The following OSBPL2 variants were observed in gnomAD, a reference collection of about 807,000 sequenced individuals.
The protein encoded by OSBPL2 is oxysterol-binding protein-related protein 2.
In OSBPL2, 18 loss-of-function variants were observed where a neutral mutation model predicts 58.4. The observed-to-expected ratio is 0.31, with a 90% CI of 0.21 to 0.46. OSBPL2 has a LOEUF of 0.46. Ranked by LOEUF, OSBPL2 falls within the 20% of genes least tolerant of loss-of-function variation. OSBPL2 has a pLI of 1.00. For missense variants in OSBPL2, 461 were observed against 616.5 expected, an observed-to-expected ratio of 0.75 and a Z score of 2.67; for synonymous variants, 221 against 234.1, an observed-to-expected ratio of 0.94 and a Z score of 0.51.
At chr20:62,293,458 T>C (rs1045108756) in intron 13 of OSBPL2, among the ~76,000 whole-genome samples, 2 of 152,234 alleles carry the variant, frequency 1.3e-5, no homozygotes, top group Non-Finnish European at 2.9e-5. Flanking sequence ...GTGTAACTGC[T>C]TTTGCCTTGA....
intron 12 of OSBPL2, among the ~76,000 whole-genome samples, chr20:62,290,013 G>A (rs185612815): frequency 1.5e-4 from 23 of 152,182 alleles, no homozygotes; most frequent in Admixed American, 5.2e-4. Flanking sequence ...AAAACTGCAC[G>A]TGTTCCACTG....
At chr20:62,248,541 A>G (rs1980306062) in intron 1 of OSBPL2, among the ~76,000 whole-genome samples, 2 of 152,200 alleles carry the variant, frequency 1.3e-5, no homozygotes, top group African/African-American at 2.4e-5. Context: ...TGTGTCCAGC[A>G]TGTCCGGGGT....
In OSBPL2 at chr20:62,275,682, A is replaced by G. The variant is rs1030756268; in HGVS notation, c.491+2276A>G. On this transcript the variant is annotated intron_variant, in intron 6 of 13. Transcript: ENST00000313733. ...AGGCTGCTCTTGAACTCCTGAGCTC[A>G]AGTGATCTGCCTCCCTCAGCCTCCC... Among the ~76,000 whole-genome samples the G allele has an allele frequency of 2.6e-5, 4 of 152,070 alleles. No homozygotes were observed. In the South Asian group the frequency reaches 8.3e-4, roughly 31 times the overall value.
chr20:62,274,468 A>T (rs921544594), intron 6 of OSBPL2, among the ~76,000 whole-genome samples: 3 of 152,152 alleles, frequency 2.0e-5, no homozygotes, highest in Non-Finnish European at 2.9e-5. Context: ...GCAGGTGCCC[A>T]TGGGCAGATG....
At chr20:62,247,716 G>A (rs1481314961) in intron 1 of OSBPL2, among the ~76,000 whole-genome samples, 1 of 151,200 alleles carries the variant, frequency 6.6e-6, no homozygotes, top group African/African-American at 2.4e-5. Flanking sequence ...GCCCAGGCTG[G>A]AGTGCAGTGG....
intron 6 of OSBPL2, among the ~76,000 whole-genome samples, chr20:62,274,108 A>T (rs1681273263): frequency 6.6e-6 from 1 of 152,202 alleles, no homozygotes; most frequent in African/African-American, 2.4e-5. Flanking sequence ...CCAGAGGTCC[A>T]GCCGGGCCCC....
At chr20:62,261,026 TAGA>T (rs1981264746) in intron 3 of OSBPL2, among the ~76,000 whole-genome samples, 1 of 151,546 alleles carries the variant, frequency 6.6e-6, no homozygotes, top group Admixed American at 6.6e-5. Flanking sequence ...TCTTTGTTGA[TAGA>T]AGCACGAGCC....
In OSBPL2 at chr20:62,272,152, G is replaced by T. The variant is rs767354660; in HGVS notation, c.286G>T (p.Ala96Ser). 6.2e-7 allele frequency: 1 copy of T among 1,613,654 alleles called. No individual in the cohort carries two copies. The highest frequency in any genetic ancestry group is 1.3e-5 in the African/African-American group (1 of 74,890). Residue 96 changes from alanine (A) to serine (S), a missense_variant, in exon 5 of 14, where the codon GCC becomes TCC. Ala to Ser is a moderately conservative substitution (Grantham distance 99, BLOSUM62 1). This residue lies in a region of OSBPL2 where 38 missense variants were observed against 74.2 expected (regional missense o/e 0.51). Coordinates refer to ENST00000313733, the MANE Select transcript of OSBPL2 (RefSeq NM_144498.4). ...GCTGTCCAAGATCACGATGCCAATC[G>T]CCTTCAACGAGCCTCTGAGCTTCTT... ...LELSKITMPI[A>S]FNEPLSFLQR...
At chr20:62,275,141 A>G (rs1433451197) in intron 6 of OSBPL2, among the ~76,000 whole-genome samples, 2 of 152,212 alleles carry the variant, frequency 1.3e-5, no homozygotes, top group East Asian at 3.9e-4. Context: ...CCAGGAGTTC[A>G]GTTACAGTGA....
At position 62,269,998 on chromosome 20, in the gene OSBPL2, G is replaced by C. The variant is rs796558133; in HGVS notation, c.259-2127G>C. Among the ~76,000 whole-genome samples the C allele has an allele frequency of 1.3e-5, 2 of 152,360 alleles. No individual in the cohort carries two copies. The highest frequency in any genetic ancestry group is 4.8e-5 in the African/African-American group (2 of 41,594). On this transcript the variant is annotated intron_variant, in intron 4 of 13. Transcript: ENST00000313733. The surrounding 1 kb of genome is among the most constrained non-coding windows in gnomAD (Gnocchi z 4.2). ...GCGTCTGCCCTGTGCTCTCAGCCTC[G>C]GTCCCTGCACTCGTCCTTGACCCAG...
rs374161158 is a variant in OSBPL2, at chr20:62,269,758, G to A, written c.259-2367G>A. ...CGGGGCTTCCTTCTTTCTCTGCCAC[G>A]TGTTCTTGCAGTGCCGAGCTCTGAT... On this transcript the variant is annotated intron_variant, in intron 4 of 13. Coordinates refer to ENST00000313733, the MANE Select transcript of OSBPL2 (RefSeq NM_144498.4). This position sits in a 1 kb window ranked among gnomAD's most constrained non-coding sequence, Gnocchi z 4.2. Among the ~76,000 whole-genome samples, 4 of 152,336 alleles carry A rather than the reference G, an allele frequency of 2.6e-5. No individual in the cohort carries two copies. The East Asian group carries it at 5.8e-4, about 22-fold the overall frequency.
chr20:62,294,537 A>G lies in OSBPL2; in HGVS notation c.*650A>G, dbSNP rs773428806. 2.6e-5 allele frequency: 4 copies of G among 152,572 alleles called. No individual in the cohort carries two copies. Among genetic ancestry groups the G allele is most frequent in the Non-Finnish European group, 5.9e-5 (4 of 68,032 alleles). 9.5% of individuals were successfully genotyped at this position (152,572 alleles called of 1,614,324 possible). On this transcript the variant is annotated 3_prime_UTR_variant, in exon 14 of 14. Transcript: ENST00000313733. ...CTGAAGAGCAAGATATGCATTAATC[A>G]CCGGTTTTATACTGTCCAAAATGAA...
chr20:62,257,208 G>T (rs1980982305), intron 2 of OSBPL2, among the ~76,000 whole-genome samples: 1 of 152,096 alleles, frequency 6.6e-6, no homozygotes, highest in Admixed American at 6.5e-5. Flanking sequence ...GGGTGGGTGT[G>T]TCAGGAGGGT....
At chr20:62,264,344 T>G (rs1981530692) in intron 4 of OSBPL2, among the ~76,000 whole-genome samples, 1 of 152,140 alleles carries the variant, frequency 6.6e-6, no homozygotes, top group South Asian at 2.1e-4. Flanking sequence ...CAGCTGGGAA[T>G]GAGCACCCAG....
In OSBPL2 at chr20:62,256,056, G is replaced by C. The variant is rs558054013; in HGVS notation, c.-128-1G>C. 8.6e-5 allele frequency: 96 copies of C among 1,120,862 alleles called. No individual in the cohort carries two copies. The East Asian group carries it at 2.5e-3, about 29-fold the overall frequency. 69.4% of individuals were successfully genotyped at this position (1,120,862 alleles called of 1,614,324 possible). A position where few individuals can be genotyped will look rare whatever the true frequency, so the allele number is the denominator to read the frequency against. On this transcript the variant is annotated splice_acceptor_variant, in intron 1 of 13. Coordinates refer to ENST00000313733, the MANE Select transcript of OSBPL2 (RefSeq NM_144498.4). LOFTEE classifies it low-confidence loss of function (5UTR_SPLICE). The stretch of plus-strand genomic sequence containing the variant: ...GTATGCCAAAATTTTTTTCCCTTTA[G>C]ATCTTCAGTGTCTATTGGATTTTTC...
chr20:62,268,364 A>G (rs958009087), intron 4 of OSBPL2, among the ~76,000 whole-genome samples: 5 of 152,142 alleles, frequency 3.3e-5, no homozygotes, highest in Non-Finnish European at 7.3e-5. Flanking sequence ...CAAGCAAGGT[A>G]TATTCCAGGA....
Position 62,291,719 on chromosome 20 carries a change from G to A in OSBPL2, c.1266G>A (p.Glu422=), listed in dbSNP as rs760152633. The change falls in exon 13 of 14, where the codon GAG becomes GAA. Residue 422 remains glutamate, a synonymous_variant. Transcript: ENST00000313733. ...GGATCCTAGATCTGGCCAGCCAGGAGAAGGAGCGGCTGGAGGAGAAGCAGA... is the reference window on the plus strand; with the variant it reads ...GGATCCTAGATCTGGCCAGCCAGGAAAAGGAGCGGCTGGAGGAGAAGCAGA... The part of the protein sequence containing the change: ...ENGNMDLASQ[E]KERLEEKQRE... 1 of 1,613,778 alleles carries A rather than the reference G, an allele frequency of 6.2e-7. No homozygotes were observed. The highest frequency in any genetic ancestry group is 8.5e-7 in the Non-Finnish European group (1 of 1,180,004).
chr20:62,249,221 C>A (rs1210054697), intron 1 of OSBPL2, among the ~76,000 whole-genome samples: 6 of 151,990 alleles, frequency 3.9e-5, no homozygotes, highest in African/African-American at 1.5e-4. Context: ...CCCCCCAACC[C>A]CCCAAAAAAA....
Position 62,273,306 on chromosome 20 carries a change from C to T in OSBPL2, c.394-3C>T. ...GCCTGTCCCCCCCGTGGATTATTTACAGTCTGTGGCTGCTTTTGCTGTTTC... is the reference window on the plus strand; with the variant it reads ...GCCTGTCCCCCCCGTGGATTATTTATAGTCTGTGGCTGCTTTTGCTGTTTC... On this transcript the variant is annotated splice_region_variant and splice_polypyrimidine_tract_variant and intron_variant, in intron 5 of 13. Coordinates refer to ENST00000313733, the MANE Select transcript of OSBPL2 (RefSeq NM_144498.4). The T allele has an allele frequency of 1.2e-6, 2 of 1,606,114 alleles. No individual in the cohort carries two copies. The highest frequency in any genetic ancestry group is 4.5e-5 in the East Asian group (2 of 44,274).
Sources: allele counts gnomAD v4.1 joint callset (sites outside exome capture counted in the v4.1 genomes callset), GRCh38; gene constraint gnomAD v4.1.1; regional missense constraint gnomAD v4.1.1; non-coding constraint Gnocchi (gnomAD v3.1); transcripts MANE v1.5; gene names NCBI Gene and HGNC (gene_info 2026-07-23, HGNC 2026-07-21).